The following SYNE2 variants were observed in gnomAD, a reference collection of about 807,000 sequenced individuals.
SYNE2 encodes the protein nesprin-2.
Under a neutral mutation model 856.3 loss-of-function variants are expected in SYNE2, and 431 were observed. That is an observed-to-expected ratio of 0.50 (90% CI 0.47 to 0.55). SYNE2 has a LOEUF of 0.55. Ranked by LOEUF, SYNE2 falls within the 20% of genes least tolerant of loss-of-function variation. The pLI is 0.00. For missense variants in SYNE2, 8,129 were observed against 8,023.2 expected, an observed-to-expected ratio of 1.01 and a Z score of -0.50; for synonymous variants, 2,923 against 2,872.3, an observed-to-expected ratio of 1.02 and a Z score of -0.56.
intron 94 of SYNE2, among the ~76,000 whole-genome samples, chr14:64,174,173 G>C (rs1024618191): frequency 9.9e-5 from 15 of 151,622 alleles, no homozygotes; most frequent in Admixed American, 5.3e-4. Flanking sequence ...CCAGGTTAAA[G>C]TGATTCTTGG....
At chr14:64,199,980 T>C (rs1460515735) in intron 99 of SYNE2, among the ~76,000 whole-genome samples, 1 of 151,980 alleles carries the variant, frequency 6.6e-6, no homozygotes, top group East Asian at 1.9e-4. Context: ...TTCCCCCACC[T>C]TCTCCATACC....
rs759339742 is a variant in SYNE2, at chr14:63,998,976, C to G, written c.3416C>G (p.Ser1139Cys). 1.2e-6 allele frequency: 2 copies of G among 1,614,054 alleles called. No homozygotes were observed. Among genetic ancestry groups the G allele is most frequent in the Admixed American group, 3.3e-5 (2 of 60,020 alleles). Reference protein sequence around the residue: ...HLQNNKFRITSDFSSEEDRSS... With the variant: ...HLQNNKFRITCDFSSEEDRSS... Reference sequence around the variant, plus strand: ...CAAAACAACAAATTCAGGATTACTTCTGATTTCTCTAGTGAAGAGGACAGG... The same window carrying G: ...CAAAACAACAAATTCAGGATTACTTGTGATTTCTCTAGTGAAGAGGACAGG... The change falls in exon 27 of 116, where the codon TCT becomes TGT. Residue 1139 changes from serine (S) to cysteine (C), a missense_variant. Ser to Cys is a moderately radical substitution (Grantham distance 112). Transcript: ENST00000555002.
chr14:63,950,308 C>T lies in SYNE2; in HGVS notation c.590+302C>T, dbSNP rs569611277. Among the ~76,000 whole-genome samples the T allele has an allele frequency of 2.6e-5, 4 of 152,274 alleles. No homozygotes were observed. In the East Asian group the frequency reaches 5.8e-4, roughly 22 times the overall value. ...ATGGCTCACTCCTATAATCCCAGCA[C>T]TTTGGGAGGCTGAGGCGGGTAGATC... On this transcript the variant is annotated intron_variant, in intron 7 of 115. Coordinates refer to ENST00000555002, the MANE Select transcript of SYNE2 (RefSeq NM_182914.3).
intron 1 of SYNE2, among the ~76,000 whole-genome samples, chr14:63,789,108 C>T (rs1361926996): frequency 6.6e-6 from 1 of 152,188 alleles, no homozygotes; most frequent in Non-Finnish European, 1.5e-5. Context: ...TCTTAGTTTT[C>T]ATTACCCCAA....
At chr14:64,188,915 G>A in intron 98 of SYNE2, 1 of 708,774 alleles carries the variant, frequency 1.4e-6, no homozygotes, top group Non-Finnish European at 2.6e-6. Flanking sequence ...ACCATTGTCA[G>A]TGGGCATGGT....
intron 6 of SYNE2, among the ~76,000 whole-genome samples, chr14:63,948,714 ATATG>A (rs2096078366): frequency 1.3e-5 from 1 of 77,946 alleles, no homozygotes; most frequent in African/African-American, 3.8e-5. Context: ...ATGTATATAT[ATATG>A]TGTGTATATA....
rs3062027 is a variant in SYNE2 at position 63,948,782 on chromosome 14, GTATATATATATATATATATATA to G, written c.409-1023_409-1002del. Among the ~76,000 whole-genome samples the G allele has an allele frequency of 2.6e-3, 115 of 43,886 alleles. 3 individuals carry two copies. The highest frequency in any genetic ancestry group is 7.9e-3 in the South Asian group (10 of 1,260). 28.8% of individuals were successfully genotyped at this position (43,886 alleles called of 152,430 possible). On this transcript the variant is annotated intron_variant, in intron 6 of 115. Transcript: ENST00000555002. ...TATGTATATATATGTATGTGTGTGT[GTATATATATATATATATATATA>G]TATATATATATATATATATGTAGCT...
intron 106 of SYNE2, among the ~76,000 whole-genome samples, chr14:64,214,827 CCTCCAGGGCTCAAG>C (rs1394230712): frequency 6.6e-6 from 1 of 152,126 alleles, no homozygotes; most frequent in African/African-American, 2.4e-5. Flanking sequence ...GCAGCCTCAA[CCTCCAGGGCTCAAG>C]CAATCCTTCC....
At chr14:64,075,008 G>T (rs1263400080) in intron 53 of SYNE2, among the ~76,000 whole-genome samples, 1 of 152,194 alleles carries the variant, frequency 6.6e-6, no homozygotes, top group South Asian at 2.1e-4. Context: ...CCTGGACTAG[G>T]TGTAGATAAA....
intron 28 of SYNE2, 96 bp downstream of exon 28, chr14:64,000,815 T>C (rs1459868190): frequency 8.6e-7 from 1 of 1,163,322 alleles, no homozygotes; most frequent in African/African-American, 1.5e-5. Flanking sequence ...AAGTATGTTA[T>C]TTTATTTGGA....
In SYNE2 at chr14:64,003,020, A is replaced by G. The variant is rs2096767353; in HGVS notation, c.4087A>G (p.Lys1363Glu). 3.1e-6 allele frequency: 5 copies of G among 1,614,212 alleles called. No individual in the cohort carries two copies. Among genetic ancestry groups the G allele is most frequent in the Non-Finnish European group, 4.2e-6 (5 of 1,180,038 alleles). The change falls in exon 30 of 116, where the codon AAA becomes GAA. Residue 1363 changes from lysine (K) to glutamate (E), a missense_variant. By Grantham distance (56) the Lys-to-Glu change is moderately conservative. Transcript: ENST00000555002. ...AQENTLTVKN[K>E]EGEIHLMKDK... ...AGAAAATACGTTGACAGTAAAAAAT[A>G]AAGAGGGAGAAATTCATCTGATGAA...
At chr14:64,156,120 G>A (rs541794883) in intron 85 of SYNE2, among the ~76,000 whole-genome samples, 25 of 152,134 alleles carry the variant, frequency 1.6e-4, no homozygotes, top group Middle Eastern at 3.4e-3. Flanking sequence ...TATTCCTCCC[G>A]CTTGTTTTTA....
intron 64 of SYNE2, among the ~76,000 whole-genome samples, chr14:64,102,941 A>T (rs2097744940): frequency 6.6e-6 from 1 of 152,058 alleles, no homozygotes; most frequent in African/African-American, 2.4e-5. Context: ...ATTTAACATA[A>T]TGTCTTCCGG....
intron 99 of SYNE2, among the ~76,000 whole-genome samples, chr14:64,198,938 T>G (rs368627588): frequency 6.6e-6 from 1 of 152,236 alleles, no homozygotes; most frequent in South Asian, 2.1e-4. Flanking sequence ...GTGTCAACAT[T>G]ACATCTAAAT....
At position 64,126,384 on chromosome 14, in the gene SYNE2, C is replaced by T. The variant is rs775368857; in HGVS notation, c.13612C>T (p.Leu4538=). ...NLDKKLFELF[L]TLSQCLSSVE... Reference sequence around the variant, plus strand: ...GGATAAAAAATTGTTTGAACTATTCCTGACCCTCAGTCAGTGCCTCAGCAG... The same window carrying T: ...GGATAAAAAATTGTTTGAACTATTCTTGACCCTCAGTCAGTGCCTCAGCAG... The change falls in exon 72 of 116, where the codon CTG becomes TTG. Residue 4538 remains leucine, a synonymous_variant. Transcript: ENST00000555002. The T allele has an allele frequency of 6.2e-7, 1 of 1,614,058 alleles. No individual in the cohort carries two copies. The highest frequency in any genetic ancestry group is 8.5e-7 in the Non-Finnish European group (1 of 1,179,992).
At chr14:63,892,714 T>A (rs1263987152) in intron 1 of SYNE2, among the ~76,000 whole-genome samples, 1 of 145,050 alleles carries the variant, frequency 6.9e-6, no homozygotes, top group African/African-American at 2.6e-5. Flanking sequence ...AAAAAATAAA[T>A]CCTTGGTGTA....
At chr14:63,961,030 GA>G (rs1258309532) in intron 8 of SYNE2, among the ~76,000 whole-genome samples, 1 of 152,212 alleles carries the variant, frequency 6.6e-6, no homozygotes, top group Admixed American at 6.5e-5. Flanking sequence ...TTCCATGAAT[GA>G]ATGAACAAAC....
chr14:63,900,113 A>G (rs2095315843), intron 1 of SYNE2, among the ~76,000 whole-genome samples: 2 of 152,116 alleles, frequency 1.3e-5, no homozygotes, highest in South Asian at 2.1e-4. Context: ...AAGTGGCTAC[A>G]TTTCCTCAGG....
Position 64,170,394 on chromosome 14 carries a change from C to T in SYNE2, c.17167C>T (p.Leu5723=), listed in dbSNP as rs1164851170. Residue 5723 remains leucine (L), a synonymous_variant, in exon 94 of 116, where the codon CTA becomes TTA. Transcript: ENST00000555002. ...FRFLTDTSHL[L]SAVKGQERFS... ...CTTCCTCACTGACACCAGCCACCTG[C>T]TATCTGCAGTGAAGGGCCAGGAGCG... 6.2e-7 allele frequency: 1 copy of T among 1,614,090 alleles called. No individual in the cohort carries two copies. The highest frequency in any genetic ancestry group is 1.3e-5 in the African/African-American group (1 of 74,906).
Sources: gnomAD v4.1 joint callset for allele counts (sites outside exome capture counted in the v4.1 genomes callset) on GRCh38, gnomAD v4.1.1 for gene constraint, MANE v1.5 for transcripts, NCBI Gene and HGNC (gene_info 2026-07-23, HGNC 2026-07-21) for gene names.